TYW1B: variants seen among roughly 807,000 people sequenced by gnomAD.
TYW1B encodes the protein tRNA-yW synthesizing protein 1 homolog B, also known as S-adenosyl-L-methionine-dependent tRNA 4-demethylwyosine synthase TYW1B.
A neutral mutation model predicts 86.9 loss-of-function variants in TYW1B; 73 were observed. That is an observed-to-expected ratio of 0.84 (90% CI 0.70 to 1.02). TYW1B has a LOEUF of 1.02. Ranked by LOEUF, TYW1B falls within the 50% of genes least tolerant of loss-of-function variation. The pLI, the probability that TYW1B is intolerant of heterozygous loss-of-function variation, is 0.00. For synonymous variants in TYW1B, 248 were observed against 292.8 expected (o/e 0.85, Z 1.56); for missense variants, 637 against 827.4 (o/e 0.77, Z 2.82).
intron 13 of TYW1B, among the ~76,000 whole-genome samples, chr7:72,591,332 T>C (rs1347355628): frequency 1.3e-5 from 2 of 151,762 alleles, no homozygotes; most frequent in African/African-American, 4.8e-5. Flanking sequence ...AATATAAACA[T>C]TGAAGAAGTT....
rs1563038459 is a variant in TYW1B at position 72,632,321 on chromosome 7, T to TA, written c.1507-3325_1507-3324insT. ...TATACGTGTATATATATTATATATA[T>TA]TATATATATATACACGTATATATAT... is the stretch of plus-strand genomic sequence containing the variant. On this transcript the variant is annotated intron_variant, in intron 11 of 13. Coordinates refer to ENST00000620995, the MANE Select transcript of TYW1B (RefSeq NM_001145440.3). 3.6e-3 allele frequency among the ~76,000 whole-genome samples: 264 copies of TA among 73,978 alleles called. 5 individuals are homozygous for TA. The highest frequency in any genetic ancestry group is 0.023 in the African/African-American group (226 of 9,856). The allele number at this position is 73,978 out of a possible 152,430, so 48.5% of individuals were successfully genotyped here. A position where few individuals can be genotyped will look rare whatever the true frequency, so the allele number is the denominator to read the frequency against.
chr7:72,761,285 T>C (rs1344295219), intron 7 of TYW1B, among the ~76,000 whole-genome samples: 2 of 152,142 alleles, frequency 1.3e-5, no homozygotes, highest in African/African-American at 2.4e-5. Context: ...CAATTCAAGA[T>C]CTTGCTTTCT....
At chr7:72,580,188 G>A (rs1192216102) in intron 13 of TYW1B, among the ~76,000 whole-genome samples, 1 of 152,142 alleles carries the variant, frequency 6.6e-6, no homozygotes, top group Non-Finnish European at 1.5e-5. Context: ...TGAACCACAT[G>A]TGCCACCTCT....
At chr7:72,783,332 A>G (rs1320191347) in intron 6 of TYW1B, among the ~76,000 whole-genome samples, 2 of 142,696 alleles carry the variant, frequency 1.4e-5, no homozygotes, top group African/African-American at 5.1e-5. Context: ...TAGCAGGCGG[A>G]GGTTGCAATG....
intron 6 of TYW1B, among the ~76,000 whole-genome samples, chr7:72,795,008 C>A (rs752655316): frequency 6.6e-6 from 1 of 151,832 alleles, no homozygotes; most frequent in Non-Finnish European, 1.5e-5. Context: ...TTGGTAGAGA[C>A]AGGGTTTTGC....
intron 11 of TYW1B, among the ~76,000 whole-genome samples, chr7:72,651,017 C>A (rs1585876216): frequency 6.6e-6 from 1 of 152,106 alleles, no homozygotes; most frequent in Admixed American, 6.6e-5. Context: ...AAAGGCTAAG[C>A]ACAGGCAAGA....
chr7:72,632,934 G>C (rs1381578012), intron 11 of TYW1B, among the ~76,000 whole-genome samples: 26 of 152,120 alleles, frequency 1.7e-4, no homozygotes, highest in Non-Finnish European at 3.7e-4. Flanking sequence ...AAGCAGTAGT[G>C]AGGTGGGAGA....
chr7:72,636,339 A>G (rs1474538255), intron 11 of TYW1B, among the ~76,000 whole-genome samples: 5 of 152,190 alleles, frequency 3.3e-5, no homozygotes, highest in Non-Finnish European at 7.4e-5. Flanking sequence ...ATTAAAGCGA[A>G]TAATTACAAA....
intron 13 of TYW1B, among the ~76,000 whole-genome samples, chr7:72,576,227 T>C (rs1330416229): frequency 3.3e-5 from 5 of 152,204 alleles, no homozygotes; most frequent in Admixed American, 6.5e-5. Context: ...CTAACGTGGA[T>C]ACAATATCTC....
intron 11 of TYW1B, among the ~76,000 whole-genome samples, chr7:72,649,948 G>A (rs543401944): frequency 2.0e-5 from 3 of 152,106 alleles, no homozygotes; most frequent in African/African-American, 4.8e-5. Context: ...GGAGTGCAGC[G>A]GTGCAATCTT....
rs1455581576 is a variant in TYW1B at position 72,745,849 on chromosome 7, GGGGTGTGT to G, written c.965-1256_965-1249del. Among the ~76,000 whole-genome samples, 833 of 130,076 alleles carry G rather than the reference GGGGTGTGT, an allele frequency of 6.4e-3. 14 individuals are homozygous for G. Among genetic ancestry groups the G allele is most frequent in the Middle Eastern group, 0.018 (5 of 272 alleles). The allele number at this position is 130,076 out of a possible 152,430, so 85.3% of individuals were successfully genotyped here. A position where few individuals can be genotyped will look rare whatever the true frequency, so the allele number is the denominator to read the frequency against. On this transcript the variant is annotated intron_variant, in intron 7 of 13. Transcript: ENST00000620995. ...AATGAGTAGCCTTTACACGTGTATA[GGGGTGTGT>G]GTGTGTGTGTGTGTGTGTGTGTGTG... is the stretch of plus-strand genomic sequence containing the variant.
intron 13 of TYW1B, among the ~76,000 whole-genome samples, chr7:72,583,220 G>A (rs1400783408): frequency 6.6e-6 from 1 of 151,952 alleles, no homozygotes. Flanking sequence ...AAAACTGGCA[G>A]CCTCCTGCAG....
intron 6 of TYW1B, among the ~76,000 whole-genome samples, chr7:72,789,507 T>A (rs1224256112): frequency 6.6e-6 from 1 of 152,174 alleles, no homozygotes; most frequent in Non-Finnish European, 1.5e-5. Flanking sequence ...GATTTCAGAC[T>A]TTTGGATTAA....
At chr7:72,703,010 A>ATTTTTTTTTTTTT (rs1814515124) in intron 10 of TYW1B, among the ~76,000 whole-genome samples, 2 of 30,360 alleles carry the variant, frequency 6.6e-5, no homozygotes, top group Non-Finnish European at 7.6e-5. Flanking sequence ...ATATATATAT[A>ATTTTTTTTTTTTT]TATATATATA....
At chr7:72,671,829 A>G (rs1279952791) in intron 11 of TYW1B, among the ~76,000 whole-genome samples, 1 of 130,166 alleles carries the variant, frequency 7.7e-6, no homozygotes, top group Non-Finnish European at 1.6e-5. Context: ...ATTTCTTTTA[A>G]AATTGTATTT....
intron 11 of TYW1B, among the ~76,000 whole-genome samples, chr7:72,692,962 G>A (rs1417534384): frequency 1.3e-5 from 2 of 152,110 alleles, no homozygotes; most frequent in African/African-American, 4.8e-5. Flanking sequence ...GAATGTCAAA[G>A]TAAGCGCTGG....
In TYW1B at chr7:72,616,804, A is replaced by C; in HGVS notation, c.1653T>G (p.Ser551Arg). Residue 551 changes from serine to arginine, a missense_variant, in exon 13 of 14, where the codon AGT (serine) becomes AGG (arginine). Physicochemically the swap from Ser to Arg is moderately radical, Grantham distance 110 (BLOSUM62 -1). Coordinates refer to ENST00000620995, the MANE Select transcript of TYW1B (RefSeq NM_001145440.3). Reference protein sequence around the residue: ...VTYCRESSASSLTMAHVPWHE... With the variant: ...VTYCRESSASRLTMAHVPWHE... ...GCCAGGGCACATGGGCCATGGTAAG[A>C]CTGCTTGCTGAACTTTCTCTGCAGT... 2 of 1,614,194 alleles carry C rather than the reference A, an allele frequency of 1.2e-6. No individual in the cohort carries two copies. Among genetic ancestry groups the C allele is most frequent in the Non-Finnish European group, 1.7e-6 (2 of 1,180,042 alleles).
chr7:72,659,679 G>C (rs1227178804), intron 11 of TYW1B, among the ~76,000 whole-genome samples: 1 of 152,166 alleles, frequency 6.6e-6, no homozygotes, highest in Non-Finnish European at 1.5e-5. Context: ...ACCGGGTGGT[G>C]GGGTGAGGGA....
intron 12 of TYW1B, among the ~76,000 whole-genome samples, chr7:72,622,926 G>C (rs555020451): frequency 2.2e-4 from 33 of 152,256 alleles, no homozygotes; most frequent in African/African-American, 7.9e-4. Context: ...ATTTACAGTC[G>C]CCCTTCCTGA....
Sources: allele counts gnomAD v4.1 joint callset (sites outside exome capture counted in the v4.1 genomes callset), GRCh38; gene constraint gnomAD v4.1.1; transcripts MANE v1.5; gene names NCBI Gene and HGNC (gene_info 2026-07-23, HGNC 2026-07-21).